The following ATP7A variants were observed in gnomAD, a reference collection of about 807,000 sequenced individuals.
ATP7A encodes the protein copper-transporting ATPase 1.
Under a neutral mutation model 83.5 loss-of-function variants are expected in ATP7A, and 7 were observed. That is an observed-to-expected ratio of 0.08 (90% CI 0.05 to 0.16). The LOEUF (loss-of-function observed/expected upper bound fraction) is 0.16, where lower values mean the gene tolerates loss of function less well. Ranked by LOEUF, ATP7A falls within the 10% of genes least tolerant of loss-of-function variation. The probability of loss-of-function intolerance (pLI) is 1.00; values close to 1 mark genes in which losing one functional copy is unlikely to be tolerated. For synonymous variants in ATP7A, 354 were observed against 395.2 expected (o/e 0.90, Z 1.24); for missense variants, 940 against 1,120.8 (o/e 0.84, Z 2.30).
chrX:78,014,835 C>A, intron 11 of ATP7A, 82 bp downstream of exon 11: 3 of 722,555 alleles, frequency 4.2e-6, no homozygotes, highest in Non-Finnish European at 6.4e-6. Context: ...AGAAAAAGGA[C>A]TATCATGAAT....
At chrX:78,039,021 G>T in intron 18 of ATP7A, 39 bp downstream of exon 18, 1 of 1,188,629 alleles carries the variant, frequency 8.4e-7, no homozygotes, top group Non-Finnish European at 1.1e-6. Flanking sequence ...TCAATGTTTT[G>T]TTATTGTTTT....
chrX:78,020,321 A>G lies in ATP7A; in HGVS notation c.2704A>G (p.Ile902Val). 2.5e-6 allele frequency: 3 copies of G among 1,211,764 alleles called. No homozygotes were observed. Among genetic ancestry groups the G allele is most frequent in the Non-Finnish European group, 3.4e-6 (3 of 895,364 alleles). The change falls in exon 13 of 23, where the codon ATC becomes GTC. Residue 902 changes from isoleucine (I) to valine (V), a missense_variant. Transcript: ENST00000341514. ...CATTAACCAGAACGGGTCACTGCTT[A>G]TCTGCGCAACACATGTTGGAGCAGA... ...GSINQNGSLL[I>V]CATHVGADTT...
At chrX:78,011,134 A>G (rs2077821224) in intron 7 of ATP7A, 42 bp from the exon 8 acceptor site, 1 of 1,088,108 alleles carries the variant, frequency 9.2e-7, no homozygotes, top group African/African-American at 1.8e-5. Context: ...TACAATATTT[A>G]TATGTTCAGT....
chrX:77,956,726 C>CCTTTCTTTCTTTCTTTCTTTCTTT (rs202001825), intron 1 of ATP7A, among the ~76,000 whole-genome samples: 55 of 73,773 alleles, frequency 7.5e-4, no homozygotes, highest in South Asian at 2.3e-3. Context: ...TACCCAGTCT[C>CCTTTCTTTCTTTCTTTCTTTCTTT]CTTTCTTTCT....
chrX:78,020,178 A>G, intron 12 of ATP7A, 66 bp from the exon 13 acceptor site: 2 of 1,116,112 alleles, frequency 1.8e-6, no homozygotes, highest in East Asian at 3.0e-5. Flanking sequence ...ACAAGTAACA[A>G]ATAATGATAT....
At chrX:77,918,718 A>T (rs1160570213) in intron 1 of ATP7A, among the ~76,000 whole-genome samples, 4 of 111,310 alleles carry the variant, frequency 3.6e-5, no homozygotes, top group African/African-American at 1.3e-4. Context: ...CTCCTACCTT[A>T]TTTCATCCAT....
intron 1 of ATP7A, among the ~76,000 whole-genome samples, chrX:77,917,365 A>G (rs2077190502): frequency 9.0e-6 from 1 of 111,402 alleles, no homozygotes; most frequent in South Asian, 3.8e-4. Context: ...TTGGGGTCAT[A>G]CTGCCTTGGT....
At position 78,011,659 on chromosome X, in the gene ATP7A, G is replaced by T. The variant is rs1557234540; in HGVS notation, c.2157G>T (p.Leu719Phe). The change falls in exon 9 of 23, where the codon TTG becomes TTT. Residue 719 changes from leucine (L) to phenylalanine (F), a missense_variant. By Grantham distance (22) the Leu-to-Phe change is conservative (BLOSUM62 0). Transcript: ENST00000341514. ...TTATGAATTTGCTGTCCTTTTTATTGTGTGTACCTGTACAGGCAAGTGAAT... is the reference window on the plus strand; with the variant it reads ...TTATGAATTTGCTGTCCTTTTTATTTTGTGTACCTGTACAGGCAAGTGAAT... ...LSVMNLLSFLLCVPVQFFGGW... is the reference protein window; with the variant it reads ...LSVMNLLSFLFCVPVQFFGGW... The T allele has an allele frequency of 8.3e-7, 1 of 1,208,217 alleles. No individual in the cohort carries two copies.
chrX:78,045,364 A>G (rs1347593846), intron 21 of ATP7A, 106 bp from the exon 22 acceptor site: 1 of 742,293 alleles, frequency 1.3e-6, no homozygotes, highest in Non-Finnish European at 2.1e-6. Flanking sequence ...AAGAGGATAA[A>G]TGCTGAAGAA....
At chrX:77,949,435 A>G (rs973052179) in intron 1 of ATP7A, among the ~76,000 whole-genome samples, 1 of 112,071 alleles carries the variant, frequency 8.9e-6, no homozygotes, top group South Asian at 3.7e-4. Flanking sequence ...TAACTTTGCT[A>G]CTCACCTTAT....
intron 1 of ATP7A, among the ~76,000 whole-genome samples, chrX:77,916,679 T>C (rs1557222569): frequency 1.8e-5 from 2 of 111,807 alleles, no homozygotes. Context: ...TATGTATGTC[T>C]AACCTACTCT....
At chrX:78,018,452 C>T (rs182685636) in intron 12 of ATP7A, among the ~76,000 whole-genome samples, 2 of 110,919 alleles carry the variant, frequency 1.8e-5, no homozygotes, top group African/African-American at 3.3e-5. Flanking sequence ...TGCAGTGAGC[C>T]GAGATTGCAC....
At chrX:77,977,902 C>A (rs1404921681) in intron 2 of ATP7A, among the ~76,000 whole-genome samples, 2 of 111,674 alleles carry the variant, frequency 1.8e-5, no homozygotes, top group Admixed American at 1.9e-4. Context: ...ATGTTAGTAA[C>A]CTTTATTCTT....
chrX:78,014,405 AAAATAAAT>A (rs781997821), intron 10 of ATP7A, among the ~76,000 whole-genome samples: 3 of 110,547 alleles, frequency 2.7e-5, no homozygotes, highest in East Asian at 5.6e-4. Context: ...ACTCTGTCTC[AAAATAAAT>A]AAATAAATAA....
intron 9 of ATP7A, among the ~76,000 whole-genome samples, chrX:78,012,499 A>G (rs112626820): frequency 0.45 from 47,685 of 106,817 alleles, 10,728 homozygotes; most frequent in African/African-American, 0.86. Context: ...GCTCATGCCT[A>G]TAATCCCAGC....
At chrX:77,995,756 T>C (rs1262139634) in intron 4 of ATP7A, among the ~76,000 whole-genome samples, 1 of 110,931 alleles carries the variant, frequency 9.0e-6, no homozygotes, top group African/African-American at 3.3e-5. Context: ...TTTGTTTGTT[T>C]GTTTTGCGAA....
intron 14 of ATP7A, among the ~76,000 whole-genome samples, chrX:78,023,873 A>C (rs2077924570): frequency 9.0e-6 from 1 of 111,637 alleles, no homozygotes; most frequent in African/African-American, 3.3e-5. Context: ...TTCTTTCCCT[A>C]GGATAATGTC....
At chrX:77,945,174 T>A (rs1042520446) in intron 1 of ATP7A, among the ~76,000 whole-genome samples, 2 of 109,062 alleles carry the variant, frequency 1.8e-5, no homozygotes, top group Admixed American at 2.0e-4. Flanking sequence ...TTATTTAATG[T>A]TTTGTTTTGT....
rs936157944 is a variant in ATP7A, at chrX:78,045,569, A to G, written c.4223A>G (p.Lys1408Arg). The stretch of plus-strand genomic sequence containing the variant: ...GTAGTACTTTCTTCTCTCTTCCTTA[A>G]ACTGTAAGTATGATAGCTTGCTCAC... The part of the protein sequence containing the change: ...VSVVLSSLFL[K>R]LYRKPTYESY... The change falls in exon 22 of 23, where the codon AAA becomes AGA. Residue 1408 changes from lysine (K) to arginine (R), a missense_variant. By Grantham distance (26) the Lys-to-Arg change is conservative (BLOSUM62 2). Coordinates refer to ENST00000341514, the MANE Select transcript of ATP7A (RefSeq NM_000052.7). 8.4e-7 allele frequency: 1 copy of G among 1,186,007 alleles called. No homozygotes were observed.
Sources: gnomAD v4.1 joint callset for allele counts (sites outside exome capture counted in the v4.1 genomes callset) on GRCh38, gnomAD v4.1.1 for gene constraint, MANE v1.5 for transcripts, NCBI Gene and HGNC (gene_info 2026-07-23, HGNC 2026-07-21) for gene names.